Variants in MGAT4C observed in about 807,000 individuals in gnomAD.
The protein encoded by MGAT4C is MGAT4 family member C, also known as alpha-1,3-mannosyl-glycoprotein 4-beta-N-acetylglucosaminyltransferase C.
In MGAT4C, 19 loss-of-function variants were observed where a neutral mutation model predicts 40.1. The ratio of observed to expected loss-of-function variants is 0.47; its 90% confidence interval spans 0.33 to 0.70. MGAT4C has a LOEUF of 0.70. Ranked by LOEUF, MGAT4C falls within the 30% of genes least tolerant of loss-of-function variation. The pLI is 0.02. For missense variants in MGAT4C, 491 were observed against 563.2 expected, an observed-to-expected ratio of 0.87 and a Z score of 1.30; for synonymous variants, 181 against 187.1, an observed-to-expected ratio of 0.97 and a Z score of 0.27.
At chr12:86,530,281 C>T (rs1490103528) in intron 2 of MGAT4C, among the ~76,000 whole-genome samples, 3 of 151,852 alleles carry the variant, frequency 2.0e-5, no homozygotes, top group African/African-American at 7.2e-5. Context: ...ATTCTCCAGA[C>T]TTCTATATAT....
chr12:86,464,368 G>T (rs766834174), intron 2 of MGAT4C, among the ~76,000 whole-genome samples: 2 of 152,146 alleles, frequency 1.3e-5, no homozygotes, highest in African/African-American at 2.4e-5. Context: ...TGGGAATAGA[G>T]AAAATTGTAT....
chr12:86,130,647 A>C (rs568390291), intron 1 of MGAT4C, among the ~76,000 whole-genome samples: 6 of 152,076 alleles, frequency 3.9e-5, no homozygotes, highest in African/African-American at 1.4e-4. Flanking sequence ...ACTCCAGTAG[A>C]AGTAATGTTT....
At chr12:86,613,822 A>C (rs1255939209) in intron 2 of MGAT4C, among the ~76,000 whole-genome samples, 4 of 152,194 alleles carry the variant, frequency 2.6e-5, no homozygotes, top group African/African-American at 9.6e-5. Context: ...AAATTACAAC[A>C]AAGACAAATC....
At chr12:86,620,844 A>T (rs1028088076) in intron 2 of MGAT4C, among the ~76,000 whole-genome samples, 1 of 152,120 alleles carries the variant, frequency 6.6e-6, no homozygotes, top group Non-Finnish European at 1.5e-5. Context: ...AAAAGTGTAC[A>T]GAAACTCCCC....
At chr12:86,276,790 A>C (rs1271167592) in intron 4 of MGAT4C, among the ~76,000 whole-genome samples, 1 of 152,088 alleles carries the variant, frequency 6.6e-6, no homozygotes, top group Non-Finnish European at 1.5e-5. Flanking sequence ...GCTAAATGCT[A>C]CTCCATTGTG....
At chr12:86,633,016 G>T (rs929939618) in intron 2 of MGAT4C, among the ~76,000 whole-genome samples, 1 of 151,850 alleles carries the variant, frequency 6.6e-6, no homozygotes, top group Non-Finnish European at 1.5e-5. Flanking sequence ...CATAGCATAA[G>T]TGTGTTTTCT....
At chr12:86,463,080 A>C (rs1957626533) in intron 2 of MGAT4C, among the ~76,000 whole-genome samples, 1 of 152,130 alleles carries the variant, frequency 6.6e-6, no homozygotes, top group Non-Finnish European at 1.5e-5. Flanking sequence ...CAATTCTGGC[A>C]ATTACAAATT....
intron 1 of MGAT4C, among the ~76,000 whole-genome samples, chr12:86,746,982 G>A (rs963280524): frequency 2.6e-5 from 4 of 151,570 alleles, no homozygotes; most frequent in African/African-American, 9.7e-5. Context: ...ATCCTCTGAT[G>A]TACTTACCAG....
At chr12:86,449,502 C>T (rs1957390086) in intron 2 of MGAT4C, among the ~76,000 whole-genome samples, 1 of 152,034 alleles carries the variant, frequency 6.6e-6, no homozygotes, top group Non-Finnish European at 1.5e-5. Context: ...TTCATTGAGA[C>T]AGCCATTTAT....
At chr12:86,537,394 CT>C (rs1455291410) in intron 2 of MGAT4C, among the ~76,000 whole-genome samples, 3 of 151,554 alleles carry the variant, frequency 2.0e-5, no homozygotes, top group African/African-American at 7.3e-5. Flanking sequence ...ACAGTTAAGG[CT>C]TTTTCATACT....
chr12:86,764,306 G>C (rs1164970248), intron 1 of MGAT4C, among the ~76,000 whole-genome samples: 4 of 152,100 alleles, frequency 2.6e-5, no homozygotes, highest in African/African-American at 7.2e-5. Flanking sequence ...CAGCGAGGCT[G>C]GGGGAGGGGT....
chr12:86,358,300 C>A (rs1955366103), intron 3 of MGAT4C, among the ~76,000 whole-genome samples: 1 of 152,116 alleles, frequency 6.6e-6, no homozygotes, highest in South Asian at 2.1e-4. Context: ...CACCACCAGG[C>A]CTGCCTTCCA....
chr12:86,416,615 G>A (rs1475527532), intron 3 of MGAT4C, among the ~76,000 whole-genome samples: 1 of 152,048 alleles, frequency 6.6e-6, no homozygotes, highest in Non-Finnish European at 1.5e-5. Flanking sequence ...CAGAATAACA[G>A]GAACAAAGAA....
chr12:86,246,329 G>T (rs1952027447), intron 1 of MGAT4C, among the ~76,000 whole-genome samples: 1 of 151,930 alleles, frequency 6.6e-6, no homozygotes, highest in Non-Finnish European at 1.5e-5. Context: ...GGGACTACAG[G>T]CGCCCGTCAA....
At chr12:85,993,380 G>A (rs1449902809) in intron 2 of MGAT4C, among the ~76,000 whole-genome samples, 2 of 152,316 alleles carry the variant, frequency 1.3e-5, no homozygotes, top group East Asian at 3.9e-4. Context: ...AGGACAAAAT[G>A]AGCCCCTCAT....
At chr12:86,187,820 G>A (rs1254196465) in intron 1 of MGAT4C, among the ~76,000 whole-genome samples, 1 of 151,846 alleles carries the variant, frequency 6.6e-6, no homozygotes, top group Non-Finnish European at 1.5e-5. Context: ...TTTATCTAAG[G>A]TGCGCTTCAC....
chr12:86,169,289 C>A (rs1886536622), intron 1 of MGAT4C, among the ~76,000 whole-genome samples: 1 of 152,062 alleles, frequency 6.6e-6, no homozygotes, highest in Non-Finnish European at 1.5e-5. Context: ...TTTGCCCTTG[C>A]CAGACTTCTA....
At chr12:86,399,292 T>G (rs1274412630) in intron 3 of MGAT4C, among the ~76,000 whole-genome samples, 1 of 151,026 alleles carries the variant, frequency 6.6e-6, no homozygotes, top group Non-Finnish European at 1.5e-5. Flanking sequence ...CATATTTCTT[T>G]TCTTTTTTTT....
chr12:86,410,580 T>C (rs1386543609), intron 3 of MGAT4C, among the ~76,000 whole-genome samples: 1 of 152,146 alleles, frequency 6.6e-6, no homozygotes, highest in Admixed American at 6.5e-5. Context: ...TGATTTCATA[T>C]TGTTCAAACA....
Sources: gnomAD v4.1 joint callset for allele counts (sites outside exome capture counted in the v4.1 genomes callset) on GRCh38, gnomAD v4.1.1 for gene constraint, MANE v1.5 for transcripts, NCBI Gene and HGNC (gene_info 2026-07-23, HGNC 2026-07-21) for gene names.